The following SYT17 variants were observed in gnomAD, a reference collection of about 807,000 sequenced individuals.
SYT17 encodes the protein synaptotagmin-17.
SYT17 carries 22 observed loss-of-function variants against 46.7 expected under a neutral mutation model. The ratio of observed to expected loss-of-function variants is 0.47; its 90% CI spans 0.34 to 0.67. SYT17 has a LOEUF of 0.67. SYT17 is among the 30% of genes least tolerant of loss of function. The pLI is 0.01. For synonymous variants in SYT17, 251 were observed against 248.4 expected, an observed-to-expected ratio of 1.01 and a Z score of -0.10; for missense variants, 519 against 612.8, an observed-to-expected ratio of 0.85 and a Z score of 1.62.
At chr16:19,196,153 A>C (rs1015524390) in intron 5 of SYT17, among the ~76,000 whole-genome samples, 1 of 152,118 alleles carries the variant, frequency 6.6e-6, no homozygotes, top group Non-Finnish European at 1.5e-5. Flanking sequence ...TGAGGTTGAA[A>C]CCAGAAGGAA....
chr16:19,240,032 T>C (rs1373060717), intron 7 of SYT17, among the ~76,000 whole-genome samples: 2 of 152,280 alleles, frequency 1.3e-5, no homozygotes, highest in East Asian at 3.9e-4. Context: ...GCCCAGAAGC[T>C]TGGAGACACC....
intron 7 of SYT17, among the ~76,000 whole-genome samples, chr16:19,225,822 G>A (rs2142882914): frequency 6.6e-6 from 1 of 152,314 alleles, no homozygotes; most frequent in South Asian, 2.1e-4. Context: ...TCAAGTGAGG[G>A]AGCAAGAATG....
intron 7 of SYT17, among the ~76,000 whole-genome samples, chr16:19,227,634 G>A (rs1178038861): frequency 6.6e-6 from 1 of 152,122 alleles, no homozygotes; most frequent in East Asian, 1.9e-4. Flanking sequence ...TTCCTTTAAT[G>A]CCTTCCCCTT....
chr16:19,212,884 G>A (rs1596961607), intron 5 of SYT17, among the ~76,000 whole-genome samples: 1 of 152,152 alleles, frequency 6.6e-6, no homozygotes, highest in African/African-American at 2.4e-5. Context: ...GAAAAAGAAT[G>A]GCTTAAGGAG....
chr16:19,175,128 A>C (rs1471795933), intron 3 of SYT17, among the ~76,000 whole-genome samples: 2 of 152,182 alleles, frequency 1.3e-5, no homozygotes, highest in African/African-American at 4.8e-5. Context: ...CCCTGTCTCA[A>C]AAATAAATAC....
At position 19,183,746 on chromosome 16, in the gene SYT17, C is replaced by G; in HGVS notation, c.550C>G (p.Gln184Glu). The G allele has an allele frequency of 6.2e-7, 1 of 1,614,206 alleles. No homozygotes were observed. The highest frequency in any genetic ancestry group is 1.7e-5 in the Admixed American group (1 of 60,028). ...LTDEEILSKYQLGMLHFSTQY... is the reference protein window; with the variant it reads ...LTDEEILSKYELGMLHFSTQY... ...AGACGAGGAGATCCTGTCCAAGTAC[C>G]AGCTGGGCATGCTGCACTTCAGCAC... Residue 184 changes from glutamine (Q) to glutamate (E), a missense_variant, in exon 5 of 8, where the codon CAG becomes GAG. Transcript: ENST00000355377. The surrounding 1 kb of genome is among the most constrained non-coding windows in gnomAD (Gnocchi z 5.6).
intron 7 of SYT17, among the ~76,000 whole-genome samples, chr16:19,258,930 G>C (rs762348115): frequency 1.3e-5 from 2 of 152,176 alleles, no homozygotes; most frequent in African/African-American, 2.4e-5. Flanking sequence ...TTCAAAGCCT[G>C]ATCTTTGAGC....
In SYT17 at chr16:19,246,119, C is replaced by G. The variant is rs1429197677; in HGVS notation, c.1229-20761C>G. On this transcript the variant is annotated intron_variant, in intron 7 of 7. Transcript: ENST00000355377. ...CTGCTGGGTTCAAGAGGCATCCCAA[C>G]TAGCTGGGATTACAGGCACCCACCA... 3.3e-5 allele frequency among the ~76,000 whole-genome samples: 5 copies of G among 151,776 alleles called. No individual in the cohort carries two copies. The South Asian group carries it at 8.3e-4, about 25-fold the overall frequency.
At chr16:19,249,949 A>C (rs1275635871) in intron 7 of SYT17, 5 of 1,535,776 alleles carry the variant, frequency 3.3e-6, no homozygotes, top group Non-Finnish European at 4.4e-6. Flanking sequence ...AGGATCCAAC[A>C]GCCCCATACC....
intron 5 of SYT17, among the ~76,000 whole-genome samples, chr16:19,195,392 A>C (rs1965194919): frequency 6.7e-6 from 1 of 149,454 alleles, no homozygotes; most frequent in African/African-American, 2.5e-5. Flanking sequence ...AAACAAAACA[A>C]AACAAACCTT....
At chr16:19,194,046 T>C (rs1347702368) in intron 5 of SYT17, among the ~76,000 whole-genome samples, 1 of 152,200 alleles carries the variant, frequency 6.6e-6, no homozygotes, top group East Asian at 1.9e-4. Context: ...ATGCGGCATC[T>C]TCCATGCCTC....
At chr16:19,259,894 G>A (rs1336800626) in intron 7 of SYT17, among the ~76,000 whole-genome samples, 3 of 152,092 alleles carry the variant, frequency 2.0e-5, no homozygotes, top group Admixed American at 2.0e-4. Context: ...AAGGTGGTCA[G>A]GCTACAGCTT....
chr16:19,172,689 T>C (rs1964146751), intron 1 of SYT17, 71 bp from the exon 2 acceptor site: 3 of 1,598,460 alleles, frequency 1.9e-6, no homozygotes, highest in African/African-American at 2.7e-5. Context: ...GCTAAACTGG[T>C]CTTGTCTCTC....
chr16:19,196,625 T>G (rs2142708582), intron 5 of SYT17, among the ~76,000 whole-genome samples: 1 of 152,114 alleles, frequency 6.6e-6, no homozygotes, highest in South Asian at 2.1e-4. Flanking sequence ...GGGACAAAGG[T>G]TTCCCATATA....
chr16:19,223,013 G>A (rs1177508561), intron 5 of SYT17, 32 bp from the exon 6 acceptor site: 7 of 1,612,432 alleles, frequency 4.3e-6, no homozygotes, highest in Non-Finnish European at 5.9e-6. Flanking sequence ...AAAAGGAGAA[G>A]GCAACTTCCT....
At chr16:19,248,213 G>A (rs901375509) in intron 7 of SYT17, among the ~76,000 whole-genome samples, 10 of 152,136 alleles carry the variant, frequency 6.6e-5, no homozygotes, top group African/African-American at 2.4e-4. Flanking sequence ...TTAAAAGATG[G>A]AAAACAAGAA....
chr16:19,249,875 C>T (rs1967908885), intron 7 of SYT17: 1 of 1,493,850 alleles, frequency 6.7e-7, no homozygotes, highest in African/African-American at 1.4e-5. Flanking sequence ...TACTTTCATC[C>T]AGGTCGTCTT....
chr16:19,231,754 A>G (rs2269787), intron 7 of SYT17, among the ~76,000 whole-genome samples: 28,963 of 151,854 alleles, frequency 0.19, 2,874 homozygotes, highest in African/African-American at 0.23. Context: ...AAATTTTTGG[A>G]GCACCTACTA....
At chr16:19,255,630 A>C (rs1039108751) in intron 7 of SYT17, among the ~76,000 whole-genome samples, 18 of 152,022 alleles carry the variant, frequency 1.2e-4, no homozygotes, top group African/African-American at 4.3e-4. Flanking sequence ...CTAAAAAAAA[A>C]ATTAATTAGC....
Sources: gnomAD v4.1 joint callset for allele counts (sites outside exome capture counted in the v4.1 genomes callset) on GRCh38, gnomAD v4.1.1 for gene constraint, Gnocchi (gnomAD v3.1) non-coding constraint, MANE v1.5 for transcripts, NCBI Gene and HGNC (gene_info 2026-07-23, HGNC 2026-07-21) for gene names.